The following TBL3 variants were observed in gnomAD, a reference collection of about 807,000 sequenced individuals.
TBL3 encodes transducin beta like 3.
TBL3 carries 71 observed loss-of-function variants against 102.7 expected under a neutral mutation model. The ratio of observed to expected loss-of-function variants is 0.69; its 90% CI spans 0.57 to 0.84. TBL3 has a LOEUF of 0.84. Among genes scored for constraint, TBL3 ranks in the 40% least tolerant of loss-of-function variants. The pLI is 0.00. For synonymous variants in TBL3, 578 were observed against 477.7 expected, an observed-to-expected ratio of 1.21 and a Z score of -2.74; for missense variants, 1,188 against 1,098.5, an observed-to-expected ratio of 1.08 and a Z score of -1.15.
chr16:1,977,104 C>T lies in TBL3; in HGVS notation c.1491C>T (p.Gly497=). 6.2e-7 allele frequency: 1 copy of T among 1,613,154 alleles called. No homozygotes were observed. Among genetic ancestry groups the T allele is most frequent in the Non-Finnish European group, 8.5e-7 (1 of 1,180,012 alleles). Residue 497 remains glycine, a synonymous_variant, in exon 15 of 22, where the codon GGC becomes GGT. Coordinates refer to ENST00000568546, the MANE Select transcript of TBL3 (RefSeq NM_006453.3). ...IAPNDKLLAT[G]SQDRTAKLWA... Reference sequence around the variant, plus strand: ...CCAACGACAAGCTGCTGGCCACAGGCTCACAGGACCGCACGGCCAAGCTCT... The same window carrying T: ...CCAACGACAAGCTGCTGGCCACAGGTTCACAGGACCGCACGGCCAAGCTCT...
At chr16:1,974,163 G>C in intron 2 of TBL3, 34 bp from the exon 3 acceptor site, 8 of 1,562,946 alleles carry the variant, frequency 5.1e-6, no homozygotes, top group Non-Finnish European at 7.0e-6. Context: ...GGGGGGTGCT[G>C]AATGTTGCCT....
rs2083408732 is a variant in TBL3, at chr16:1,977,098, C to T, written c.1485C>T (p.Ala495=). ...VAIAPNDKLL[A]TGSQDRTAKL... is the part of the protein sequence containing the mutation. The stretch of plus-strand genomic sequence containing the variant: ...TTGCCCCCAACGACAAGCTGCTGGC[C>T]ACAGGCTCACAGGACCGCACGGCCA... Residue 495 remains alanine, a synonymous_variant, in exon 15 of 22, where the codon GCC becomes GCT. Transcript: ENST00000568546. 6.2e-7 allele frequency: 1 copy of T among 1,613,018 alleles called. No homozygotes were observed. The highest frequency in any genetic ancestry group is 1.1e-5 in the South Asian group (1 of 91,086).
Position 1,981,539 on chromosome 16 carries a change from G to C in TBL3, c.*2854G>C, listed in dbSNP as rs1318559598. 3 of 325,128 alleles carry C rather than the reference G, an allele frequency of 9.2e-6. No individual in the cohort carries two copies. The South Asian group carries it at 1.2e-4, about 13-fold the overall frequency. The allele number at this position is 325,128 out of a possible 1,614,324, so 20.1% of individuals were successfully genotyped here. A position where few individuals can be genotyped will look rare whatever the true frequency, so the allele number is the denominator to read the frequency against. On this transcript the variant is annotated 3_prime_UTR_variant, in exon 22 of 22. Transcript: ENST00000568546. ...CTGCCTGCCTCTGGCCACAGGAGGAGGGAGGAGAAGGCAGGGCTAATCAAA... is the reference window on the plus strand; with the variant it reads ...CTGCCTGCCTCTGGCCACAGGAGGACGGAGGAGAAGGCAGGGCTAATCAAA...
Position 1,981,437 on chromosome 16 carries a change from A to G in TBL3, c.*2752A>G. Reference sequence around the variant, plus strand: ...AGAGCTGCTGGGAGGAAGAAGAAGAATGAGCTTTCCAGCCCTGGAGGCGTG... The same window carrying G: ...AGAGCTGCTGGGAGGAAGAAGAAGAGTGAGCTTTCCAGCCCTGGAGGCGTG... On this transcript the variant is annotated 3_prime_UTR_variant, in exon 22 of 22. Transcript: ENST00000568546. The G allele has an allele frequency of 1.1e-6, 1 of 872,512 alleles. No individual in the cohort carries two copies. The highest frequency in any genetic ancestry group is 1.7e-6 in the Non-Finnish European group (1 of 598,286). 54.0% of individuals were successfully genotyped at this position (872,512 alleles called of 1,614,324 possible).
chr16:1,972,095 T>C lies in TBL3; in HGVS notation c.-70T>C. On this transcript the variant is annotated 5_prime_UTR_variant, in exon 1 of 22. Transcript: ENST00000568546. ...TGGCGTTCTGTGAAGAGTTCGGTGC[T>C]AACCTCCCTCACGCGGCGGTGGCTG... is the stretch of plus-strand genomic sequence containing the variant. 1 of 1,449,772 alleles carries C rather than the reference T, an allele frequency of 6.9e-7. No individual in the cohort carries two copies. Among genetic ancestry groups the C allele is most frequent in the East Asian group, 3.0e-5 (1 of 33,362 alleles). The allele number at this position is 1,449,772 out of a possible 1,614,324, so 89.8% of individuals were successfully genotyped here.
intron 16 of TBL3, 35 bp downstream of exon 16, chr16:1,977,461 G>A (rs774982277): frequency 1.2e-5 from 19 of 1,609,214 alleles, no homozygotes; most frequent in Non-Finnish European, 1.4e-5. Context: ...GATGGAGTGG[G>A]GGGTGGCGGG....
Position 1,976,930 on chromosome 16 carries a change from A to C in TBL3, c.1409A>C (p.Gln470Pro). 1.2e-6 allele frequency: 2 copies of C among 1,613,948 alleles called. No individual in the cohort carries two copies. Among genetic ancestry groups the C allele is most frequent in the Non-Finnish European group, 1.7e-6 (2 of 1,180,014 alleles). ...TAPDNGPILL[Q>P]AQTTQRCHDK... The stretch of plus-strand genomic sequence containing the variant: ...CCAGACAACGGCCCTATCCTCCTGC[A>C]GGCCCAGACCACTCAGCGCTGCCAT... The change falls in exon 14 of 22, where the codon CAG becomes CCG. Residue 470 changes from glutamine to proline, a missense_variant. By Grantham distance (76) the Gln-to-Pro change is moderately conservative. Coordinates refer to ENST00000568546, the MANE Select transcript of TBL3 (RefSeq NM_006453.3).
In TBL3 at chr16:1,979,962, G is replaced by A. The variant is rs1307258286; in HGVS notation, c.*1277G>A. On this transcript the variant is annotated 3_prime_UTR_variant, in exon 22 of 22. Coordinates refer to ENST00000568546, the MANE Select transcript of TBL3 (RefSeq NM_006453.3). ...CGAGGCTCCCTCGGGTCCAGGAGCAGAGGAGCAAATCCCTGGGTTCTTGGG... is the reference window on the plus strand; with the variant it reads ...CGAGGCTCCCTCGGGTCCAGGAGCAAAGGAGCAAATCCCTGGGTTCTTGGG... The A allele has an allele frequency of 6.3e-7, 1 of 1,579,214 alleles. No homozygotes were observed. The highest frequency in any genetic ancestry group is 8.6e-7 in the Non-Finnish European group (1 of 1,162,106).
chr16:1,981,087 GCCACTAAGGA>G lies in TBL3; in HGVS notation c.*2405_*2414del, dbSNP rs1181289839. On this transcript the variant is annotated 3_prime_UTR_variant, in exon 22 of 22. Coordinates refer to ENST00000568546, the MANE Select transcript of TBL3 (RefSeq NM_006453.3). ...AGGCACCCCCTTCCTATCCCTTGGG[GCCACTAAGGA>G]CCCAGCCAGGTCTTACTTGGAGCCT... 1 of 1,610,156 alleles carries G rather than the reference GCCACTAAGGA, an allele frequency of 6.2e-7. No individual in the cohort carries two copies.
Position 1,977,995 on chromosome 16 carries a change from T to G in TBL3, c.1996T>G (p.Tyr666Asp). 1 of 1,606,290 alleles carries G rather than the reference T, an allele frequency of 6.2e-7. No homozygotes were observed. Among genetic ancestry groups the G allele is most frequent in the Non-Finnish European group, 8.5e-7 (1 of 1,176,286 alleles). The change falls in exon 19 of 22, where the codon TAC becomes GAC. Residue 666 changes from tyrosine (Y) to aspartate (D), a missense_variant. Physicochemically the swap from Tyr to Asp is radical, Grantham distance 160. Coordinates refer to ENST00000568546, the MANE Select transcript of TBL3 (RefSeq NM_006453.3). ...ELDNLLHEKR[Y>D]LRALGLAISL... is the part of the protein sequence containing the mutation. ...GGACAACCTGCTGCATGAGAAGCGGTACCTGCGGGCGCTGGGCCTGGCCAT... is the reference window on the plus strand; with the variant it reads ...GGACAACCTGCTGCATGAGAAGCGGGACCTGCGGGCGCTGGGCCTGGCCAT...
Position 1,979,739 on chromosome 16 carries a change from C to T in TBL3, c.*1054C>T, listed in dbSNP as rs1408503353. 5 of 1,400,164 alleles carry T rather than the reference C, an allele frequency of 3.6e-6. No individual in the cohort carries two copies. In the South Asian group the frequency reaches 4.1e-5, roughly 11 times the overall value. The allele number at this position is 1,400,164 out of a possible 1,614,324, so 86.7% of individuals were successfully genotyped here. ...CCGCGGTGCTTCTGGCCCAGTCTTG[C>T]CACACGGTCAAGCCGCAGTGGTGGC... On this transcript the variant is annotated 3_prime_UTR_variant, in exon 22 of 22. Transcript: ENST00000568546.
Position 1,981,418 on chromosome 16 carries a change from G to C in TBL3, c.*2733G>C, listed in dbSNP as rs1299110962. On this transcript the variant is annotated 3_prime_UTR_variant, in exon 22 of 22. Transcript: ENST00000568546. ...GATTGGGGGACTTCCAGGCAGAGCT[G>C]CTGGGAGGAAGAAGAAGAATGAGCT... The C allele has an allele frequency of 5.1e-6, 5 of 987,168 alleles. No individual in the cohort carries two copies. Among genetic ancestry groups the C allele is most frequent in the Non-Finnish European group, 7.2e-6 (5 of 698,928 alleles). The allele number at this position is 987,168 out of a possible 1,614,324, so 61.2% of individuals were successfully genotyped here.
chr16:1,979,615 T>C lies in TBL3; in HGVS notation c.*930T>C. On this transcript the variant is annotated 3_prime_UTR_variant, in exon 22 of 22. Coordinates refer to ENST00000568546, the MANE Select transcript of TBL3 (RefSeq NM_006453.3). ...GGCCCGCCCGCACCCTTCTCCACAT[T>C]CTCCTTGCTTGAGTCTGCTGACGGC... 1 of 1,401,216 alleles carries C rather than the reference T, an allele frequency of 7.1e-7. No individual in the cohort carries two copies. The highest frequency in any genetic ancestry group is 1.3e-5 in the South Asian group (1 of 78,726). The allele number at this position is 1,401,216 out of a possible 1,614,324, so 86.8% of individuals were successfully genotyped here. A position where few individuals can be genotyped will look rare whatever the true frequency, so the allele number is the denominator to read the frequency against.
chr16:1,979,473 GC>G lies in TBL3; in HGVS notation c.*793del, dbSNP rs1314214543. 5.6e-6 allele frequency: 9 copies of G among 1,611,642 alleles called. No homozygotes were observed. The highest frequency in any genetic ancestry group is 6.8e-6 in the Non-Finnish European group (8 of 1,179,470). The stretch of plus-strand genomic sequence containing the variant: ...TGACGTTTCCAACACGCGCACGCGC[GC>G]CCCCGCGGGCACGGACAGCTCATCT... On this transcript the variant is annotated 3_prime_UTR_variant, in exon 22 of 22. Coordinates refer to ENST00000568546, the MANE Select transcript of TBL3 (RefSeq NM_006453.3).
chr16:1,976,258 G>A lies in TBL3; in HGVS notation c.1236G>A (p.Met412Ile). 2 of 1,614,156 alleles carry A rather than the reference G, an allele frequency of 1.2e-6. No homozygotes were observed. The highest frequency in any genetic ancestry group is 1.7e-6 in the Non-Finnish European group (2 of 1,180,038). The change falls in exon 13 of 22, where the codon ATG (methionine) becomes ATA (isoleucine). Residue 412 changes from methionine (M) to isoleucine (I), a missense_variant. Physicochemically the swap from Met to Ile is conservative, Grantham distance 10. Coordinates refer to ENST00000568546, the MANE Select transcript of TBL3 (RefSeq NM_006453.3). ...GAATGAACAAGGCTGGCCAGGTGATGTGCGTGGCTCAGGGTTCCGGTCACA... is the reference window on the plus strand; with the variant it reads ...GAATGAACAAGGCTGGCCAGGTGATATGCGTGGCTCAGGGTTCCGGTCACA... The part of the protein sequence containing the change: ...IWRMNKAGQV[M>I]CVAQGSGHTH...
At position 1,974,405 on chromosome 16, in the gene TBL3, C is replaced by T. The variant is rs765111100; in HGVS notation, c.219C>T (p.Asp73=). 9 of 1,610,558 alleles carry T rather than the reference C, an allele frequency of 5.6e-6. No homozygotes were observed. In the Admixed American group the frequency reaches 6.7e-5, roughly 12 times the overall value. Residue 73 remains aspartate, a synonymous_variant, in exon 4 of 22, where the codon GAC becomes GAT. Coordinates refer to ENST00000568546, the MANE Select transcript of TBL3 (RefSeq NM_006453.3). The stretch of plus-strand genomic sequence containing the variant: ...ACCAGGAGGACATCACTGCCTTTGA[C>T]CTCAGCCCTGACAACGAGGTATGTG... ...QEDQEDITAF[D]LSPDNEVLVT... is the part of the protein sequence containing the mutation.
rs1489306682 is a variant in TBL3 at position 1,979,554 on chromosome 16, G to C, written c.*869G>C. The C allele has an allele frequency of 6.2e-7, 1 of 1,602,070 alleles. No homozygotes were observed. ...ACAGAACTGGGGACCTGGTGGGAGTGGGTGTTTGGAGTCACCGCGGGGCCA... is the reference window on the plus strand; with the variant it reads ...ACAGAACTGGGGACCTGGTGGGAGTCGGTGTTTGGAGTCACCGCGGGGCCA... On this transcript the variant is annotated 3_prime_UTR_variant, in exon 22 of 22. Transcript: ENST00000568546.
Position 1,972,135 on chromosome 16 carries a change from G to C in TBL3, c.-30G>C. 6.8e-7 allele frequency: 1 copy of C among 1,471,730 alleles called. No individual in the cohort carries two copies. Among genetic ancestry groups the C allele is most frequent in the Non-Finnish European group, 9.0e-7 (1 of 1,109,404 alleles). The allele number at this position is 1,471,730 out of a possible 1,614,324, so 91.2% of individuals were successfully genotyped here. On this transcript the variant is annotated 5_prime_UTR_variant, in exon 1 of 22. Coordinates refer to ENST00000568546, the MANE Select transcript of TBL3 (RefSeq NM_006453.3). Reference sequence around the variant, plus strand: ...GGCGGTGGCTGCCGGGACCCTAGCAGGTTTCAGCTGGAGCGGCGGCGGCGG... The same window carrying C: ...GGCGGTGGCTGCCGGGACCCTAGCACGTTTCAGCTGGAGCGGCGGCGGCGG...
intron 1 of TBL3, 33 bp from the exon 2 acceptor site, chr16:1,974,023 G>T (rs981338841): frequency 1.3e-6 from 2 of 1,523,784 alleles, no homozygotes; most frequent in Admixed American, 2.0e-5. Flanking sequence ...GAGGGGGTGG[G>T]TGGTGCTCAT....
Sources: gnomAD v4.1 joint callset for allele counts on GRCh38, gnomAD v4.1.1 for gene constraint, MANE v1.5 for transcripts, NCBI Gene and HGNC (gene_info 2026-07-23, HGNC 2026-07-21) for gene names.